Variants in THSD7B observed in about 807,000 individuals in gnomAD.
THSD7B encodes thrombospondin type-1 domain-containing protein 7B.
THSD7B carries 138 observed loss-of-function variants against 213.6 expected under a neutral mutation model. The observed-to-expected ratio is 0.65, with a 90% confidence interval of 0.56 to 0.74. The LOEUF (loss-of-function observed/expected upper bound fraction) is 0.74. Among genes scored for constraint, THSD7B ranks in the 30% least tolerant of loss-of-function variants. The pLI, the probability that THSD7B is intolerant of heterozygous loss-of-function variation, is 0.00. For missense variants in THSD7B, 1,931 were observed against 1,991.5 expected (o/e 0.97, Z 0.58); for synonymous variants, 742 against 687.0 (o/e 1.08, Z -1.25).
Position 137,215,857 on chromosome 2 carries a change from C to G in THSD7B, c.1724-15187C>G, listed in dbSNP as rs191247460. On this transcript the variant is annotated intron_variant, in intron 7 of 27. Transcript: ENST00000409968. ...TCAGAATAAGGCCTAGGAAATTATG[C>G]ATTCCTTAAATAGGTTTTTAGATTA... 5.2e-3 allele frequency among the ~76,000 whole-genome samples: 787 copies of G among 152,236 alleles called. 5 individuals are homozygous for G. The highest frequency in any genetic ancestry group is 0.017 in the African/African-American group (719 of 41,546).
chr2:137,195,816 G>C (rs770447800), intron 7 of THSD7B, among the ~76,000 whole-genome samples: 2 of 152,234 alleles, frequency 1.3e-5, no homozygotes, highest in Non-Finnish European at 2.9e-5. Context: ...GTTGACACTA[G>C]TGGATGAAAT....
At chr2:137,047,249 G>A (rs576152871) in intron 2 of THSD7B, among the ~76,000 whole-genome samples, 1 of 152,182 alleles carries the variant, frequency 6.6e-6, no homozygotes, top group Admixed American at 6.5e-5. Context: ...TAATGTTTAG[G>A]AGACAGAGCT....
intron 15 of THSD7B, among the ~76,000 whole-genome samples, chr2:137,555,222 T>C (rs1265369262): frequency 1.3e-5 from 2 of 152,142 alleles, no homozygotes; most frequent in Non-Finnish European, 2.9e-5. Flanking sequence ...GAGTTTGAGA[T>C]TGGAGAATGG....
intron 7 of THSD7B, among the ~76,000 whole-genome samples, chr2:137,200,483 T>A (rs558863433): frequency 3.3e-5 from 5 of 152,200 alleles, no homozygotes; most frequent in African/African-American, 1.2e-4. Flanking sequence ...ACATTTTTAG[T>A]AAAATGTAAC....
chr2:137,443,644 A>G (rs1300746662), intron 14 of THSD7B, among the ~76,000 whole-genome samples: 3 of 152,062 alleles, frequency 2.0e-5, no homozygotes, highest in Admixed American at 2.0e-4. Context: ...AACTATCTCA[A>G]CCAAGTCTGA....
At chr2:137,599,622 C>G (rs1682037317) in intron 17 of THSD7B, among the ~76,000 whole-genome samples, 2 of 151,962 alleles carry the variant, frequency 1.3e-5, no homozygotes, top group African/African-American at 4.8e-5. Flanking sequence ...TTGACCCAGC[C>G]ATCCCATTAC....
chr2:136,812,980 A>G (rs1398922108), intron 1 of THSD7B, among the ~76,000 whole-genome samples: 3 of 152,232 alleles, frequency 2.0e-5, no homozygotes, highest in African/African-American at 7.2e-5. Context: ...ACAAATGAGC[A>G]ATACCAGTTG....
At chr2:136,797,198 G>A (rs1368451657) in intron 1 of THSD7B, among the ~76,000 whole-genome samples, 1 of 151,854 alleles carries the variant, frequency 6.6e-6, no homozygotes, top group Non-Finnish European at 1.5e-5. Flanking sequence ...TATTGAGAGT[G>A]GGTGAGAAAT....
At chr2:136,848,317 G>T (rs1327265712) in intron 1 of THSD7B, among the ~76,000 whole-genome samples, 1 of 152,138 alleles carries the variant, frequency 6.6e-6, no homozygotes, top group Non-Finnish European at 1.5e-5. Flanking sequence ...GTGAAACATT[G>T]TTGGGCTTCA....
At chr2:137,639,828 C>T (rs1471229688) in intron 20 of THSD7B, among the ~76,000 whole-genome samples, 2 of 152,130 alleles carry the variant, frequency 1.3e-5, no homozygotes, top group African/African-American at 2.4e-5. Context: ...CCAAGTTCTC[C>T]CATTTGGAAT....
intron 10 of THSD7B, among the ~76,000 whole-genome samples, chr2:137,258,181 T>C (rs914735873): frequency 1.1e-4 from 16 of 152,236 alleles, no homozygotes; most frequent in Non-Finnish European, 2.9e-5. Context: ...TTTAATGTAG[T>C]TGAATTTATC....
chr2:137,177,078 A>C (rs1420818192), intron 7 of THSD7B, among the ~76,000 whole-genome samples: 5 of 152,238 alleles, frequency 3.3e-5, no homozygotes, highest in Admixed American at 6.5e-5. Context: ...TACCTTTCAA[A>C]GCAGAAATGA....
chr2:137,330,772 G>T (rs1352807615), intron 12 of THSD7B, among the ~76,000 whole-genome samples: 1 of 152,060 alleles, frequency 6.6e-6, no homozygotes, highest in Non-Finnish European at 1.5e-5. Flanking sequence ...AAAGAACAAA[G>T]CTTCCACAGT....
At chr2:137,273,025 TACACACACACAC>T (rs71877881) in intron 11 of THSD7B, among the ~76,000 whole-genome samples, 195 of 141,054 alleles carry the variant, frequency 1.4e-3, no homozygotes, top group African/African-American at 3.3e-3. Flanking sequence ...GGAGAAGGAA[TACACACACACAC>T]ACACACACAC....
rs1683141027 is a variant in THSD7B, at chr2:137,285,259, C to A, written c.2500+9233C>A. Among the ~76,000 whole-genome samples the A allele has an allele frequency of 2.0e-5, 3 of 152,040 alleles. 1 individual carries two copies. The South Asian group carries it at 6.3e-4, about 32-fold the overall frequency. Reference sequence around the variant, plus strand: ...TTTGTTTTCCATTTGCTTGGTAGATCTTCCTCCATCCCTGTATTTTGAGCC... The same window carrying A: ...TTTGTTTTCCATTTGCTTGGTAGATATTCCTCCATCCCTGTATTTTGAGCC... On this transcript the variant is annotated intron_variant, in intron 12 of 27. Transcript: ENST00000409968.
At chr2:137,293,882 CTT>C (rs1683395326) in intron 12 of THSD7B, among the ~76,000 whole-genome samples, 2 of 152,220 alleles carry the variant, frequency 1.3e-5, no homozygotes, top group African/African-American at 4.8e-5. Context: ...GTGACTATGT[CTT>C]TAATATTTTA....
chr2:137,309,770 C>T (rs1683846696), intron 12 of THSD7B, among the ~76,000 whole-genome samples: 1 of 151,786 alleles, frequency 6.6e-6, no homozygotes, highest in African/African-American at 2.4e-5. Flanking sequence ...GTTTTTTGTT[C>T]TTGGCGATAG....
rs149914028 is a variant in THSD7B, at chr2:137,638,976, T to C, written c.3800-3512T>C. Among the ~76,000 whole-genome samples the C allele has an allele frequency of 3.9e-3, 596 of 152,096 alleles. 6 individuals are homozygous for C. Among genetic ancestry groups the C allele is most frequent in the African/African-American group, 0.014 (574 of 41,482 alleles). ...ACAGAGCATAAAAGTTCAGAAAAAT[T>C]TGCAGCCTGACGATGCAGTATAAAA... On this transcript the variant is annotated intron_variant, in intron 20 of 27. Coordinates refer to ENST00000409968, the MANE Select transcript of THSD7B (RefSeq NM_001316349.2).
chr2:136,957,332 A>C (rs1266356400), intron 2 of THSD7B, among the ~76,000 whole-genome samples: 1 of 152,122 alleles, frequency 6.6e-6, no homozygotes, highest in Non-Finnish European at 1.5e-5. Flanking sequence ...ATGGAGGACA[A>C]GGGAGCTGAC....
Sources: gnomAD v4.1 joint callset for allele counts (sites outside exome capture counted in the v4.1 genomes callset) on GRCh38, gnomAD v4.1.1 for gene constraint, MANE v1.5 for transcripts, NCBI Gene and HGNC (gene_info 2026-07-23, HGNC 2026-07-21) for gene names.